The following MGRN1 variants were observed in gnomAD, a reference collection of about 807,000 sequenced individuals.
The protein encoded by MGRN1 is E3 ubiquitin-protein ligase MGRN1.
MGRN1 carries 29 observed loss-of-function variants against 69.2 expected under a neutral mutation model. That is an observed-to-expected ratio of 0.42 (90% CI 0.31 to 0.57). The LOEUF (loss-of-function observed/expected upper bound fraction) is 0.57, where lower values mean the gene tolerates loss of function less well. Among genes scored for constraint, MGRN1 ranks in the 20% least tolerant of loss-of-function variants. The pLI, the probability that MGRN1 is intolerant of heterozygous loss-of-function variation, is 0.15. For missense variants in MGRN1, 998 were observed against 796.2 expected (o/e 1.25, Z -3.05); for synonymous variants, 470 against 344.2 (o/e 1.37, Z -4.04).
intron 1 of MGRN1, among the ~76,000 whole-genome samples, chr16:4,632,715 T>C (rs562033017): frequency 6.6e-6 from 1 of 152,232 alleles, no homozygotes; most frequent in South Asian, 2.1e-4. Context: ...GGTATACTTG[T>C]GTTGTGCAGC....
intron 1 of MGRN1, among the ~76,000 whole-genome samples, chr16:4,628,747 A>G (rs898691655): frequency 2.0e-5 from 3 of 151,946 alleles, no homozygotes; most frequent in Non-Finnish European, 4.4e-5. Flanking sequence ...GTTTCACCAT[A>G]TTGGCCAGTC....
In MGRN1 at chr16:4,637,812, C is replaced by T. The variant is rs573216619; in HGVS notation, c.89-12553C>T. Among the ~76,000 whole-genome samples the T allele has an allele frequency of 3.3e-5, 5 of 152,360 alleles. No individual in the cohort carries two copies. In the South Asian group the frequency reaches 8.3e-4, roughly 25 times the overall value. ...CACAGGAGGGAGAATTCGGATGGCCCAGTGTGCCAGTGTCCACCTTAGGGC... is the reference window on the plus strand; with the variant it reads ...CACAGGAGGGAGAATTCGGATGGCCTAGTGTGCCAGTGTCCACCTTAGGGC... On this transcript the variant is annotated intron_variant, in intron 1 of 16. Coordinates refer to ENST00000262370, the MANE Select transcript of MGRN1 (RefSeq NM_015246.4).
Position 4,677,572 on chromosome 16 carries a change from T to C in MGRN1, c.1065T>C (p.Ser355=). The C allele has an allele frequency of 1.3e-6, 2 of 1,599,330 alleles. No homozygotes were observed. The highest frequency in any genetic ancestry group is 1.7e-6 in the Non-Finnish European group (2 of 1,179,418). Residue 355 remains serine, a splice_region_variant and synonymous_variant, in exon 11 of 17, where the codon TCT becomes TCC. Transcript: ENST00000262370. ...AGAGCCTGGAGCATGATGAGCACTC[T>C]GTAAGTGCCGCCTCCTGCCTGCGGG... ...LAQSLEHDEH[S]CPFKKSKPHP...
chr16:4,664,599 G>A (rs1227071583), intron 5 of MGRN1, 110 bp from the exon 6 acceptor site: 12 of 1,149,046 alleles, frequency 1.0e-5, no homozygotes, highest in Non-Finnish European at 1.6e-5. Context: ...TCTGAGCTCT[G>A]CTGCTGCCTC....
At chr16:4,636,607 C>T (rs910354325) in intron 1 of MGRN1, among the ~76,000 whole-genome samples, 1 of 152,132 alleles carries the variant, frequency 6.6e-6, no homozygotes, top group South Asian at 2.1e-4. Context: ...ATTTGCATGT[C>T]TGCAGGCAAG....
chr16:4,671,289 T>TG, intron 8 of MGRN1, 102 bp from the exon 9 acceptor site: 1 of 1,140,194 alleles, frequency 8.8e-7, no homozygotes. Flanking sequence ...ACCCCTGGTA[T>TG]GGAAGCCTGG....
chr16:4,648,407 C>A (rs2078322694), intron 1 of MGRN1, among the ~76,000 whole-genome samples: 1 of 129,306 alleles, frequency 7.7e-6, no homozygotes, highest in Non-Finnish European at 1.6e-5. Flanking sequence ...CCCGGGTCCT[C>A]CTCCCGGGGG....
chr16:4,688,183 C>T (rs1285738438), intron 16 of MGRN1: 1 of 985,444 alleles, frequency 1.0e-6, no homozygotes, highest in Non-Finnish European at 1.2e-6. Context: ...GCCCTGAGGC[C>T]ATGCTGGCCC....
At chr16:4,657,806 C>G (rs1479745732) in intron 5 of MGRN1, among the ~76,000 whole-genome samples, 2 of 128,372 alleles carry the variant, frequency 1.6e-5, no homozygotes, top group Non-Finnish European at 3.1e-5. Context: ...AGTGCAGTGG[C>G]GCGATCTCGG....
intron 5 of MGRN1, among the ~76,000 whole-genome samples, chr16:4,663,122 G>T (rs2078719492): frequency 6.6e-6 from 1 of 152,188 alleles, no homozygotes; most frequent in Admixed American, 6.5e-5. Context: ...GGAGTGCAGT[G>T]GTGTGATCTC....
At chr16:4,660,645 C>G (rs368622073) in intron 5 of MGRN1, among the ~76,000 whole-genome samples, 1 of 152,218 alleles carries the variant, frequency 6.6e-6, no homozygotes, top group South Asian at 2.1e-4. Flanking sequence ...CTGCCTCCCC[C>G]GTTTGGCTCC....
At chr16:4,628,542 G>A (rs879863382) in intron 1 of MGRN1, among the ~76,000 whole-genome samples, 14 of 151,790 alleles carry the variant, frequency 9.2e-5, no homozygotes, top group Non-Finnish European at 1.8e-4. Context: ...GCCCATCAGC[G>A]ATCTGCTTTC....
At chr16:4,686,392 C>G (rs1271091171) in intron 16 of MGRN1, 42 of 1,501,310 alleles carry the variant, frequency 2.8e-5, no homozygotes, top group Non-Finnish European at 3.7e-5. Flanking sequence ...GGGGTTCCTT[C>G]TGGTTTTTGG....
chr16:4,679,989 G>GT (rs1567233111), intron 11 of MGRN1, 43 bp from the exon 12 acceptor site: 3 of 1,592,972 alleles, frequency 1.9e-6, no homozygotes, highest in Admixed American at 1.7e-5. Context: ...CCAGGGCCGC[G>GT]TGGGGGTGGT....
intron 5 of MGRN1, among the ~76,000 whole-genome samples, chr16:4,662,513 C>T (rs1272526098): frequency 3.4e-5 from 5 of 149,176 alleles, no homozygotes; most frequent in African/African-American, 1.2e-4. Context: ...AAGACTCTGT[C>T]TCAAAAAAAA....
chr16:4,662,528 A>G (rs2078706524), intron 5 of MGRN1, among the ~76,000 whole-genome samples: 1 of 152,076 alleles, frequency 6.6e-6, no homozygotes, highest in East Asian at 1.9e-4. Flanking sequence ...AAAAAAAAAA[A>G]AATCATAATA....
chr16:4,630,372 T>C (rs926455620), intron 1 of MGRN1, among the ~76,000 whole-genome samples: 12 of 148,962 alleles, frequency 8.1e-5, no homozygotes, highest in Non-Finnish European at 1.3e-4. Flanking sequence ...AAAAAACAAA[T>C]AGAAAGAAAA....
intron 13 of MGRN1, 23 bp from the exon 14 acceptor site, chr16:4,682,800 C>G (rs751934785): frequency 6.6e-7 from 1 of 1,525,858 alleles, no homozygotes. Flanking sequence ...CTCACCCCTG[C>G]CCACCCTCTC....
intron 16 of MGRN1, chr16:4,686,540 C>G: frequency 1.5e-6 from 2 of 1,359,964 alleles, no homozygotes; most frequent in Non-Finnish European, 1.9e-6. Flanking sequence ...TCCATCTGGA[C>G]TAGGCGGCCG....
Sources: allele counts gnomAD v4.1 joint callset (sites outside exome capture counted in the v4.1 genomes callset), GRCh38; gene constraint gnomAD v4.1.1; transcripts MANE v1.5; gene names NCBI Gene and HGNC (gene_info 2026-07-23, HGNC 2026-07-21).